Variants in CADM2 observed in about 807,000 individuals in gnomAD.
CADM2 encodes the protein cell adhesion molecule 2.
Under a neutral mutation model 49.8 loss-of-function variants are expected in CADM2, and 12 were observed. The observed-to-expected ratio is 0.24, with a 90% CI of 0.15 to 0.39. The LOEUF is 0.39. Among genes scored for constraint, CADM2 ranks in the 10% least tolerant of loss-of-function variants. The pLI, the probability that CADM2 is intolerant of heterozygous loss-of-function variation, is 1.00. For synonymous variants in CADM2, 214 were observed against 175.4 expected (o/e 1.22, Z -1.74); for missense variants, 378 against 492.3 (o/e 0.77, Z 2.20).
chr3:85,641,354 G>T (rs1320631112), intron 1 of CADM2, among the ~76,000 whole-genome samples: 3 of 152,132 alleles, frequency 2.0e-5, no homozygotes. Flanking sequence ...CATGAGGCAC[G>T]TAGAACTATA....
At chr3:85,801,999 CATT>C in intron 2 of CADM2, 45 bp from the exon 3 acceptor site, 1 of 1,360,452 alleles carries the variant, frequency 7.4e-7, no homozygotes, top group Non-Finnish European at 9.7e-7. Flanking sequence ...GGCAGTTAAT[CATT>C]TTATGACTTT....
At chr3:85,082,497 A>G (rs1340161671) in intron 1 of CADM2, among the ~76,000 whole-genome samples, 1 of 152,264 alleles carries the variant, frequency 6.6e-6, no homozygotes, top group East Asian at 1.9e-4. Context: ...GTGACTACGG[A>G]TTGAAAAATG....
chr3:85,085,870 C>T (rs1460157558), intron 1 of CADM2, among the ~76,000 whole-genome samples: 1 of 152,050 alleles, frequency 6.6e-6, no homozygotes, highest in African/African-American at 2.4e-5. Context: ...CTATGAGCAG[C>T]ACATTTGATC....
chr3:85,086,731 A>G (rs2037393600), intron 1 of CADM2, among the ~76,000 whole-genome samples: 1 of 151,994 alleles, frequency 6.6e-6, no homozygotes, highest in Non-Finnish European at 1.5e-5. Flanking sequence ...CTGGTCTGGA[A>G]CTTCTGAGTG....
chr3:85,494,621 G>A (rs1030152966), intron 1 of CADM2, among the ~76,000 whole-genome samples: 1 of 152,016 alleles, frequency 6.6e-6, no homozygotes, highest in Non-Finnish European at 1.5e-5. Flanking sequence ...TATTAGACAT[G>A]GCTGTATTAC....
chr3:85,705,500 C>T (rs1442567650), intron 1 of CADM2, among the ~76,000 whole-genome samples: 1 of 152,112 alleles, frequency 6.6e-6, no homozygotes, highest in East Asian at 1.9e-4. Context: ...CATGACAATA[C>T]ACACTGTATA....
At chr3:85,063,340 T>C (rs2036406884) in intron 1 of CADM2, among the ~76,000 whole-genome samples, 1 of 152,012 alleles carries the variant, frequency 6.6e-6, no homozygotes, top group Non-Finnish European at 1.5e-5. Flanking sequence ...AATTGGGATA[T>C]ATGTTTCCTG....
At chr3:85,963,560 C>A (rs73843526) in intron 8 of CADM2, among the ~76,000 whole-genome samples, 3,864 of 151,946 alleles carry the variant, frequency 0.025, 186 homozygotes, top group African/African-American at 0.089. Flanking sequence ...AGTTTCTGAG[C>A]ACCTGGGGAT....
At chr3:85,118,597 A>G (rs948969172) in intron 1 of CADM2, among the ~76,000 whole-genome samples, 2 of 152,138 alleles carry the variant, frequency 1.3e-5, no homozygotes, top group African/African-American at 4.8e-5. Context: ...TCATGACTCA[A>G]TTACCTCCCA....
intron 1 of CADM2, among the ~76,000 whole-genome samples, chr3:85,306,398 A>G (rs2044213763): frequency 6.6e-6 from 1 of 151,752 alleles, no homozygotes; most frequent in African/African-American, 2.4e-5. Context: ...AGGAAATTGT[A>G]TTCTATATAG....
At chr3:85,564,499 T>C (rs2062197592) in intron 1 of CADM2, among the ~76,000 whole-genome samples, 1 of 152,104 alleles carries the variant, frequency 6.6e-6, no homozygotes, top group Non-Finnish European at 1.5e-5. Context: ...TTGATACTCC[T>C]AGGATCTATT....
In CADM2 at chr3:85,337,030, AAT is replaced by A. The variant is rs571278048; in HGVS notation, c.61+377374_61+377375del. On this transcript the variant is annotated intron_variant, in intron 1 of 9. Transcript: ENST00000383699. ...AATATAATATATATAAATAAATATA[AAT>A]ATATATATATAAATATATATATATA... 3.7e-3 allele frequency among the ~76,000 whole-genome samples: 513 copies of A among 137,716 alleles called. 3 individuals carry two copies. The highest frequency in any genetic ancestry group is 0.012 in the African/African-American group (439 of 36,396). 90.3% of individuals were successfully genotyped at this position (137,716 alleles called of 152,430 possible).
intron 8 of CADM2, among the ~76,000 whole-genome samples, chr3:85,998,988 T>G (rs991095794): frequency 3.3e-5 from 5 of 152,098 alleles, no homozygotes; most frequent in African/African-American, 1.2e-4. Flanking sequence ...TTGGTGCAAT[T>G]TATCAAAGTA....
intron 1 of CADM2, among the ~76,000 whole-genome samples, chr3:85,635,901 T>C (rs528900599): frequency 6.6e-6 from 1 of 152,178 alleles, no homozygotes; most frequent in Non-Finnish European, 1.5e-5. Flanking sequence ...TGCTCCGTAG[T>C]GTTGCAGCCG....
intron 1 of CADM2, among the ~76,000 whole-genome samples, chr3:85,346,645 G>T (rs2030677111): frequency 6.6e-6 from 1 of 152,154 alleles, no homozygotes; most frequent in Non-Finnish European, 1.5e-5. Flanking sequence ...AGTGGGAAAA[G>T]AGTTAATATT....
At chr3:86,000,602 G>A (rs1006930884) in intron 8 of CADM2, among the ~76,000 whole-genome samples, 4 of 151,970 alleles carry the variant, frequency 2.6e-5, no homozygotes, top group Non-Finnish European at 5.9e-5. Flanking sequence ...ATGTGAAGTT[G>A]GGGAGTGGAG....
chr3:85,697,545 T>C (rs577870890), intron 1 of CADM2, among the ~76,000 whole-genome samples: 7 of 152,264 alleles, frequency 4.6e-5, no homozygotes, highest in African/African-American at 1.7e-4. Context: ...AGAAAAAATA[T>C]GTTTTTGTTG....
At chr3:85,496,272 C>T (rs1469683074) in intron 1 of CADM2, among the ~76,000 whole-genome samples, 1 of 152,078 alleles carries the variant, frequency 6.6e-6, no homozygotes, top group Non-Finnish European at 1.5e-5. Context: ...AAGATTTAGT[C>T]CCACTTATAA....
intron 1 of CADM2, among the ~76,000 whole-genome samples, chr3:85,393,965 C>A (rs1186485241): frequency 6.6e-6 from 1 of 151,980 alleles, no homozygotes; most frequent in South Asian, 2.1e-4. Context: ...CGTCACCACG[C>A]CTCGCTAATT....
Sources: allele counts gnomAD v4.1 joint callset (sites outside exome capture counted in the v4.1 genomes callset), GRCh38; gene constraint gnomAD v4.1.1; transcripts MANE v1.5; gene names NCBI Gene and HGNC (gene_info 2026-07-23, HGNC 2026-07-21).